Variants in SV2A observed in about 807,000 individuals in gnomAD.
SV2A encodes the protein synaptic vesicle glycoprotein 2A, also known as solute carrier family 22 member B1.
A neutral mutation model predicts 78.0 loss-of-function variants in SV2A; 25 were observed. The ratio of observed to expected loss-of-function variants is 0.32; its 90% CI spans 0.23 to 0.45. The LOEUF (loss-of-function observed/expected upper bound fraction) is 0.45. Ranked by LOEUF, SV2A falls within the 20% of genes least tolerant of loss-of-function variation. The pLI, the probability that SV2A is intolerant of heterozygous loss-of-function variation, is 1.00. For missense variants in SV2A, 752 were observed against 971.5 expected (o/e 0.77, Z 3.00); for synonymous variants, 355 against 384.7 (o/e 0.92, Z 0.90).
At position 149,905,867 on chromosome 1, in the gene SV2A, A is replaced by C; in HGVS notation, c.2045+13T>G. ...CTGAATCCACTGCCCTGCCTCCAAC[A>C]CATTCCAACTACCTCTTGTCTGAGG... On this transcript the variant is annotated intron_variant, in intron 12 of 12. Coordinates refer to ENST00000369146, the MANE Select transcript of SV2A (RefSeq NM_014849.5). 1.9e-6 allele frequency: 3 copies of C among 1,613,266 alleles called. No homozygotes were observed. In the South Asian group the frequency reaches 3.3e-5, roughly 18 times the overall value.
At chr1:149,912,033 T>C (rs2092479036) in intron 2 of SV2A, 53 bp from the exon 3 acceptor site, 2 of 1,558,866 alleles carry the variant, frequency 1.3e-6, no homozygotes, top group South Asian at 1.2e-5. Flanking sequence ...ACACCTTAAT[T>C]CTCCCAGGAG....
intron 7 of SV2A, 56 bp from the exon 8 acceptor site, chr1:149,909,336 G>T: frequency 6.3e-7 from 1 of 1,594,152 alleles, no homozygotes; most frequent in South Asian, 1.1e-5. Flanking sequence ...AGCACCCATA[G>T]ATCCCCACTT....
intron 3 of SV2A, among the ~76,000 whole-genome samples, chr1:149,911,232 AG>A (rs1248975352): frequency 1.3e-5 from 2 of 152,202 alleles, no homozygotes; most frequent in Non-Finnish European, 2.9e-5. Flanking sequence ...CAGAGTTGGA[AG>A]GGCGGGAAAG....
At position 149,910,618 on chromosome 1, in the gene SV2A, G is replaced by A. The variant is rs781877661; in HGVS notation, c.1041C>T (p.Ala347=). The A allele has an allele frequency of 1.2e-6, 2 of 1,613,368 alleles. No homozygotes were observed. The highest frequency in any genetic ancestry group is 1.6e-4 in the Middle Eastern group (1 of 6,062). The change falls in exon 5 of 13, where the codon GCC becomes GCT. Residue 347 remains alanine, a synonymous_variant. Transcript: ENST00000369146. This position sits in a 1 kb window ranked among gnomAD's most constrained non-coding sequence, Gnocchi z 4.2. ...CAGGCTGCGTGGTCAGAGCCCCAAT[G>A]GCAAACACAGAAGGAAAGGCGCAGA... ...VLVCAFPSVF[A]IGALTTQPES... is the part of the protein sequence containing the mutation.
Position 149,913,829 on chromosome 1 carries a change from G to T in SV2A, c.12C>A (p.Gly4=). The change falls in exon 2 of 13, where the codon GGC becomes GGA. Residue 4 remains glycine, a synonymous_variant. Transcript: ENST00000369146. The stretch of plus-strand genomic sequence containing the variant: ...GGATGAAAGCTGCCCGGTCTCGGAA[G>T]CCCTCTTCCATGATGGGGCTTGGGG... MEE[G]FRDRAAFIRG... is the part of the protein sequence containing the mutation. 1.9e-6 allele frequency: 3 copies of T among 1,608,016 alleles called. No individual in the cohort carries two copies. Among genetic ancestry groups the T allele is most frequent in the Non-Finnish European group, 1.7e-6 (2 of 1,175,864 alleles).
At chr1:149,909,979 G>C in intron 5 of SV2A, 89 bp from the exon 6 acceptor site, 10 of 1,235,560 alleles carry the variant, frequency 8.1e-6, no homozygotes, top group Non-Finnish European at 1.2e-5. Context: ...GGCTTCTGTA[G>C]TCACAGGACA....
intron 8 of SV2A, 147 bp from the exon 9 acceptor site, chr1:149,908,353 C>A (rs965532835): frequency 8.1e-6 from 7 of 867,338 alleles, no homozygotes; most frequent in Middle Eastern, 3.6e-4. Context: ...TTGCTCCTCT[C>A]CAGCCTCACC....
In SV2A at chr1:149,910,855, G is replaced by A. The variant is rs2101620938; in HGVS notation, c.926C>T (p.Ala309Val). 1 of 1,614,132 alleles carries A rather than the reference G, an allele frequency of 6.2e-7. No individual in the cohort carries two copies. The highest frequency in any genetic ancestry group is 8.5e-7 in the Non-Finnish European group (1 of 1,180,004). ...GTGGGGGATGATGGCCCAGGCCATA[G>A]CAGCTGCGTACACGCCACCAATCAT... ...FWMIGGVYAA[A>V]MAWAIIPHYG... is the part of the protein sequence containing the mutation. Residue 309 changes from alanine to valine, a missense_variant, in exon 4 of 13, where the codon GCT (alanine) becomes GTT (valine). By Grantham distance (64) the Ala-to-Val change is moderately conservative (BLOSUM62 0). This residue lies in a region of SV2A where 43 missense variants were observed against 70.8 expected (regional missense o/e 0.61). Coordinates refer to ENST00000369146, the MANE Select transcript of SV2A (RefSeq NM_014849.5). The surrounding 1 kb of genome is among the most constrained non-coding windows in gnomAD (Gnocchi z 4.2).
chr1:149,906,404 C>G (rs1480972520), intron 11 of SV2A, among the ~76,000 whole-genome samples: 1 of 152,154 alleles, frequency 6.6e-6, no homozygotes, highest in Admixed American at 6.5e-5. Flanking sequence ...GGTGGTGGAG[C>G]TGAGATTCAA....
At chr1:149,913,190 G>A in intron 2 of SV2A, 29 bp downstream of exon 2, 1 of 1,603,524 alleles carries the variant, frequency 6.2e-7, no homozygotes, top group Non-Finnish European at 8.5e-7. Context: ...GAGTTTGAGG[G>A]GATAAGGCTG....
rs372412744 is a variant in SV2A at position 149,913,473 on chromosome 1, C to T, written c.368G>A (p.Arg123Lys). Residue 123 changes from arginine (R) to lysine (K), a missense_variant, in exon 2 of 13, where the codon AGG becomes AAG. This residue lies in a region of SV2A where 291 missense variants were observed against 359.5 expected (regional missense o/e 0.81). Coordinates refer to ENST00000369146, the MANE Select transcript of SV2A (RefSeq NM_014849.5). ...ACCCTCCCCATCACTCAAGCCCCCC[C>T]TTACTCCAGCCAGGGGCGCCCCATC... The part of the protein sequence containing the change: ...MADGAPLAGV[R>K]GGLSDGEGPP... 8.7e-6 allele frequency: 14 copies of T among 1,613,658 alleles called. No homozygotes were observed. The highest frequency in any genetic ancestry group is 8.0e-5 in the African/African-American group (6 of 74,796).
At chr1:149,916,264 C>A (rs2092513239) in intron 1 of SV2A, among the ~76,000 whole-genome samples, 1 of 152,196 alleles carries the variant, frequency 6.6e-6, no homozygotes, top group South Asian at 2.1e-4. Flanking sequence ...GGCAGGGAAG[C>A]CTTCCACAAC....
intron 6 of SV2A, 24 bp from the exon 7 acceptor site, chr1:149,909,595 C>CA: frequency 6.3e-7 from 1 of 1,596,620 alleles, no homozygotes; most frequent in Non-Finnish European, 8.6e-7. Flanking sequence ...AAGGGGTGGG[C>CA]AGTCACACAC....
chr1:149,914,912 A>G (rs1462563984), intron 1 of SV2A, among the ~76,000 whole-genome samples: 1 of 152,212 alleles, frequency 6.6e-6, no homozygotes, highest in Admixed American at 6.5e-5. Context: ...TTTTGTGGTG[A>G]CAGTAATATA....
chr1:149,907,614 C>A, intron 10 of SV2A, 86 bp downstream of exon 10: 1 of 1,535,620 alleles, frequency 6.5e-7, no homozygotes, highest in Middle Eastern at 1.8e-4. Flanking sequence ...AGCTTGAGAA[C>A]CCTAAGATAG....
intron 1 of SV2A, among the ~76,000 whole-genome samples, chr1:149,915,713 G>A (rs1159675048): frequency 6.6e-6 from 1 of 152,154 alleles, no homozygotes; most frequent in African/African-American, 2.4e-5. Context: ...GTAGGAGGCG[G>A]ATGTAGAATA....
chr1:149,914,352 G>A (rs1451688484), intron 1 of SV2A, among the ~76,000 whole-genome samples, 165 bp from the exon 2 acceptor site: 3 of 152,128 alleles, frequency 2.0e-5, no homozygotes, highest in Non-Finnish European at 4.4e-5. Flanking sequence ...GGCTATCTGG[G>A]CTAACCGGGT....
intron 2 of SV2A, among the ~76,000 whole-genome samples, chr1:149,912,376 C>G (rs748525328): frequency 9.9e-5 from 15 of 152,100 alleles, no homozygotes; most frequent in Non-Finnish European, 1.9e-4. Flanking sequence ...GGAGAGCTCT[C>G]ATTTGTTCCT....
chr1:149,913,662 G>A lies in SV2A; in HGVS notation c.179C>T (p.Ala60Val), dbSNP rs1183913151. ...EEEDDDDDFP[A>V]PSDGYYRGEG... ...TCCTCGGTAATAACCATCACTGGGA[G>A]CAGGGAAGTCATCATCATCATCCTC... Residue 60 changes from alanine to valine, a missense_variant, in exon 2 of 13, where the codon GCT becomes GTT. By Grantham distance (64) the Ala-to-Val change is moderately conservative (BLOSUM62 0). Around this residue, in one of 7 missense-constraint regions of SV2A, gnomAD observed 291 missense variants for 359.5 expected, o/e 0.81. Transcript: ENST00000369146. 3 of 1,614,060 alleles carry A rather than the reference G, an allele frequency of 1.9e-6. No homozygotes were observed. Among genetic ancestry groups the A allele is most frequent in the Non-Finnish European group, 2.5e-6 (3 of 1,180,042 alleles).
Sources: allele counts gnomAD v4.1 joint callset (sites outside exome capture counted in the v4.1 genomes callset), GRCh38; gene constraint gnomAD v4.1.1; regional missense constraint gnomAD v4.1.1; non-coding constraint Gnocchi (gnomAD v3.1); transcripts MANE v1.5; gene names NCBI Gene and HGNC (gene_info 2026-07-23, HGNC 2026-07-21).